Variants in AKR1E2 observed in about 807,000 individuals in gnomAD.
AKR1E2 encodes the protein aldo-keto reductase family 1 member E2.
In AKR1E2, 43 loss-of-function variants were observed where a neutral mutation model predicts 41.9. The observed-to-expected ratio is 1.03, with a 90% CI of 0.80 to 1.32. The LOEUF (loss-of-function observed/expected upper bound fraction) is 1.32, where lower values mean the gene tolerates loss of function less well. Ranked by LOEUF, AKR1E2 falls within the 40% of genes most tolerant of loss-of-function variation. The pLI is 0.00. For synonymous variants in AKR1E2, 121 were observed against 138.9 expected, an observed-to-expected ratio of 0.87 and a Z score of 0.91; for missense variants, 423 against 396.5, an observed-to-expected ratio of 1.07 and a Z score of -0.57.
At chr10:4,857,946 ATTG>A in the AKR1E2 span, among the ~76,000 whole-genome samples, 1 of 151,728 alleles carries the variant, frequency 6.6e-6, no homozygotes, top group Non-Finnish European at 1.5e-5. Flanking sequence ...TCATTGTTTC[ATTG>A]TTGTTTATTT....
Position 4,839,718 on chromosome 10 carries a change from T to A in AKR1E2, c.583-11T>A. The stretch of plus-strand genomic sequence containing the variant: ...GGTCTGAATTTTATGTAAGCTATGA[T>A]TCTGTTATAGATTGAGTGCCACCCA... On this transcript the variant is annotated splice_polypyrimidine_tract_variant and intron_variant, in intron 5 of 9. Coordinates refer to ENST00000298375, the MANE Select transcript of AKR1E2 (RefSeq NM_001040177.3). 1 of 1,609,542 alleles carries A rather than the reference T, an allele frequency of 6.2e-7. No homozygotes were observed. Among genetic ancestry groups the A allele is most frequent in the Non-Finnish European group, 8.5e-7 (1 of 1,175,796 alleles).
At chr10:4,835,632 G>GTTTTT (rs1477987701) in intron 3 of AKR1E2, 43 bp from the exon 4 acceptor site, 1 of 1,593,690 alleles carries the variant, frequency 6.3e-7, no homozygotes, top group Non-Finnish European at 8.5e-7. Context: ...TTTTTGTTTT[G>GTTTTT]TTTTGTTTTG....
the AKR1E2 span, among the ~76,000 whole-genome samples, chr10:4,873,173 C>A: frequency 6.6e-6 from 1 of 152,270 alleles, no homozygotes; most frequent in Admixed American, 6.5e-5. Context: ...ATGAGTCTCA[C>A]GAGATCTGAT....
chr10:4,843,133 T>A (rs1414725929), intron 8 of AKR1E2, among the ~76,000 whole-genome samples: 1 of 152,198 alleles, frequency 6.6e-6, no homozygotes, highest in Non-Finnish European at 1.5e-5. Flanking sequence ...TGGAGCTATG[T>A]GAAGGAACTC....
chr10:4,843,656 C>T (rs1834060623), intron 8 of AKR1E2, among the ~76,000 whole-genome samples: 1 of 152,242 alleles, frequency 6.6e-6, no homozygotes, highest in Non-Finnish European at 1.5e-5. Context: ...TGCCTGTGCC[C>T]TCAGGCTTGC....
At chr10:4,842,638 T>A in intron 8 of AKR1E2, 134 bp downstream of exon 8, 1 of 735,668 alleles carries the variant, frequency 1.4e-6, no homozygotes, top group Admixed American at 2.6e-5. Flanking sequence ...ACTGTGGGTG[T>A]TGGTGGTTGA....
chr10:4,838,331 C>T (rs1408560001), intron 5 of AKR1E2, among the ~76,000 whole-genome samples: 1 of 152,176 alleles, frequency 6.6e-6, no homozygotes, highest in Non-Finnish European at 1.5e-5. Flanking sequence ...TCTGTGCTCG[C>T]CTCTTTCACA....
the AKR1E2 span, among the ~76,000 whole-genome samples, chr10:4,864,477 A>G: frequency 6.6e-6 from 1 of 152,232 alleles, no homozygotes. Flanking sequence ...AATAAGAGCT[A>G]TTTATGACAA....
chr10:4,872,061 G>C, the AKR1E2 span: 1 of 152,170 alleles, frequency 6.6e-6, no homozygotes, highest in Non-Finnish European at 1.5e-5. Context: ...AACCCAACTA[G>C]TTTTATGATA....
chr10:4,828,374 C>T (rs1832711234), intron 1 of AKR1E2, among the ~76,000 whole-genome samples: 1 of 152,216 alleles, frequency 6.6e-6, no homozygotes, highest in South Asian at 2.1e-4. Flanking sequence ...TTATTAGGGG[C>T]CACTTGATCC....
chr10:4,828,662 C>T (rs12569572), intron 1 of AKR1E2, among the ~76,000 whole-genome samples: 5,390 of 151,190 alleles, frequency 0.036, 151 homozygotes, highest in East Asian at 0.11. Context: ...ATAATTGACA[C>T]CTTTGTAATG....
the AKR1E2 span, among the ~76,000 whole-genome samples, chr10:4,858,095 G>C: frequency 1.3e-5 from 2 of 151,982 alleles, no homozygotes; most frequent in African/African-American, 2.4e-5. Flanking sequence ...TACCATGTTA[G>C]TTTTAATATA....
chr10:4,842,158 C>T (rs1257319924), intron 7 of AKR1E2, among the ~76,000 whole-genome samples: 1 of 152,150 alleles, frequency 6.6e-6, no homozygotes, highest in Non-Finnish European at 1.5e-5. Flanking sequence ...GTTATTTATT[C>T]TAGTCTTCTT....
At chr10:4,831,924 C>T (rs2131505234) in intron 2 of AKR1E2, among the ~76,000 whole-genome samples, 1 of 152,208 alleles carries the variant, frequency 6.6e-6, no homozygotes, top group South Asian at 2.1e-4. Context: ...GAGGCAGAGG[C>T]AGGAGGCCAG....
At chr10:4,869,383 A>G in the AKR1E2 span, among the ~76,000 whole-genome samples, 1 of 152,050 alleles carries the variant, frequency 6.6e-6, no homozygotes, top group Non-Finnish European at 1.5e-5. Context: ...TCCCTGTTGC[A>G]TTCCTTATGT....
intron 8 of AKR1E2, among the ~76,000 whole-genome samples, chr10:4,845,034 C>T (rs1336104634): frequency 6.6e-6 from 1 of 152,140 alleles, no homozygotes; most frequent in African/African-American, 2.4e-5. Context: ...TCAGGCATGG[C>T]GGGCTGCAGG....
chr10:4,846,030 C>A (rs2397984), intron 8 of AKR1E2: 3 of 370,240 alleles, frequency 8.1e-6, no homozygotes, highest in African/African-American at 6.4e-5. Context: ...CCCAGTGCCG[C>A]TCAGAACTGC....
At chr10:4,835,528 A>C (rs1274256268) in intron 3 of AKR1E2, 147 bp from the exon 4 acceptor site, 2 of 988,546 alleles carry the variant, frequency 2.0e-6, no homozygotes, top group Non-Finnish European at 2.8e-6. Flanking sequence ...ATCTTTTCTT[A>C]GAAAGGTGAA....
chr10:4,863,276 C>G, the AKR1E2 span, among the ~76,000 whole-genome samples: 1 of 152,170 alleles, frequency 6.6e-6, no homozygotes, highest in African/African-American at 2.4e-5. Flanking sequence ...GACCATAGTG[C>G]AATCAAACTA....
Sources: allele counts gnomAD v4.1 joint callset (sites outside exome capture counted in the v4.1 genomes callset), GRCh38; gene constraint gnomAD v4.1.1; transcripts MANE v1.5; gene names NCBI Gene and HGNC (gene_info 2026-07-23, HGNC 2026-07-21).